The following SPDYE4 variants were observed in gnomAD, a reference collection of about 807,000 sequenced individuals.
SPDYE4 encodes the protein speedy/RINGO cell cycle regulator family member E4.
Under a neutral mutation model 37.5 loss-of-function variants are expected in SPDYE4, and 30 were observed. The observed-to-expected ratio is 0.80, with a 90% CI of 0.60 to 1.09. The LOEUF is 1.09. Ranked by LOEUF, SPDYE4 falls within the 50% of genes least tolerant of loss-of-function variation. SPDYE4 has a pLI of 0.00. For missense variants in SPDYE4, 300 were observed against 307.9 expected, an observed-to-expected ratio of 0.97 and a Z score of 0.19; for synonymous variants, 131 against 120.3, an observed-to-expected ratio of 1.09 and a Z score of -0.58.
intron 4 of SPDYE4, 116 bp downstream of exon 4, chr17:8,755,404 T>C: frequency 1.6e-6 from 2 of 1,253,654 alleles, no homozygotes; most frequent in Non-Finnish European, 2.2e-6. Flanking sequence ...ATCGTTTTTA[T>C]ATACAGAGTA....
In SPDYE4 at chr17:8,758,315, G is replaced by A. The variant is rs562837400; in HGVS notation, c.68C>T (p.Ser23Phe). The change falls in exon 1 of 7, where the codon TCC becomes TTC. Residue 23 changes from serine (S) to phenylalanine (F), a missense_variant. Transcript: ENST00000689094. ...ESPQPSTTVRSPEVVVDDEVP... is the reference protein window; with the variant it reads ...ESPQPSTTVRFPEVVVDDEVP... ...TTCATCATCCACCACCACCTCGGGG[G>A]ACCGTACCGTTGTGCTAGGCTGGGG... 1 of 1,550,398 alleles carries A rather than the reference G, an allele frequency of 6.4e-7. No individual in the cohort carries two copies. Among genetic ancestry groups the A allele is most frequent in the Non-Finnish European group, 8.7e-7 (1 of 1,146,504 alleles).
At chr17:8,753,272 G>A (rs1205665138) in intron 5 of SPDYE4, 49 bp downstream of exon 5, 3 of 1,591,916 alleles carry the variant, frequency 1.9e-6, no homozygotes, top group Non-Finnish European at 1.7e-6. Flanking sequence ...CCAGCCTCCA[G>A]TCCACCCCAT....
At position 8,751,570 on chromosome 17, in the gene SPDYE4, G is replaced by A. The variant is rs528448562; in HGVS notation, c.*712C>T. ...AGTATCATAGATTACAAGAGTGCTCGCTTCAGGAGCACATTTAATAATAGA... is the reference window on the plus strand; with the variant it reads ...AGTATCATAGATTACAAGAGTGCTCACTTCAGGAGCACATTTAATAATAGA... On this transcript the variant is annotated 3_prime_UTR_variant, in exon 7 of 7. Transcript: ENST00000689094. Among the ~76,000 whole-genome samples the A allele has an allele frequency of 2.6e-5, 4 of 152,090 alleles. No homozygotes were observed. The highest frequency in any genetic ancestry group is 4.2e-4 in the South Asian group (2 of 4,812).
chr17:8,752,469 T>C (rs1433109627), intron 6 of SPDYE4, among the ~76,000 whole-genome samples: 1 of 152,210 alleles, frequency 6.6e-6, no homozygotes, highest in African/African-American at 2.4e-5. Flanking sequence ...TTAGCCCCAG[T>C]GATCTGCTTC....
intron 3 of SPDYE4, among the ~76,000 whole-genome samples, chr17:8,756,028 G>A (rs767476904): frequency 2.5e-4 from 38 of 152,280 alleles, no homozygotes; most frequent in Non-Finnish European, 5.0e-4. Flanking sequence ...CAGGCTACCA[G>A]AGCCCCGAGG....
rs1309810231 is a variant in SPDYE4 at position 8,758,340 on chromosome 17, G to A, written c.43C>T (p.Pro15Ser). 3 of 1,551,340 alleles carry A rather than the reference G, an allele frequency of 1.9e-6. No individual in the cohort carries two copies. The highest frequency in any genetic ancestry group is 2.6e-6 in the Non-Finnish European group (3 of 1,146,908). ...QARPPFEEES[P>S]QPSTTVRSPE... The stretch of plus-strand genomic sequence containing the variant: ...GACCGTACCGTTGTGCTAGGCTGGG[G>A]GCTCTCCTCCTCAAACGGGGGGCGC... Residue 15 changes from proline to serine, a missense_variant, in exon 1 of 7, where the codon CCC becomes TCC. Physicochemically the swap from Pro to Ser is moderately conservative, Grantham distance 74. Coordinates refer to ENST00000689094, the MANE Select transcript of SPDYE4 (RefSeq NM_001394956.1).
downstream of SPDYE4, among the ~76,000 whole-genome samples, chr17:8,748,440 G>T (rs1167473342): frequency 6.6e-6 from 1 of 152,092 alleles, no homozygotes; most frequent in Admixed American, 6.6e-5. Context: ...AAATGTTTAA[G>T]ATTTCCAGTC....
downstream of SPDYE4, among the ~76,000 whole-genome samples, chr17:8,747,691 G>A (rs1280490757): frequency 6.6e-6 from 1 of 152,184 alleles, no homozygotes; most frequent in African/African-American, 2.4e-5. Flanking sequence ...TCATATGTGA[G>A]TCTCTGAAGA....
intron 6 of SPDYE4, among the ~76,000 whole-genome samples, 188 bp downstream of exon 6, chr17:8,752,906 T>C (rs2086738825): frequency 6.6e-6 from 1 of 152,046 alleles, no homozygotes; most frequent in Non-Finnish European, 1.5e-5. Flanking sequence ...TGGTGTTCCT[T>C]CCGCCTCAGG....
intron 2 of SPDYE4, among the ~76,000 whole-genome samples, chr17:8,756,767 C>T (rs2086776095): frequency 6.6e-6 from 1 of 152,244 alleles, no homozygotes; most frequent in South Asian, 2.1e-4. Context: ...GAGATAGTCA[C>T]AGCTGGGTGT....
chr17:8,752,763 A>G (rs1327786941), intron 6 of SPDYE4, among the ~76,000 whole-genome samples: 1 of 152,008 alleles, frequency 6.6e-6, no homozygotes, highest in Non-Finnish European at 1.5e-5. Flanking sequence ...CAGTAACTCA[A>G]GTGTATCAAC....
downstream of SPDYE4, among the ~76,000 whole-genome samples, chr17:8,750,225 C>G (rs202212002): frequency 6.6e-6 from 1 of 151,942 alleles, no homozygotes; most frequent in East Asian, 1.9e-4. Flanking sequence ...GGTGCCTCTA[C>G]TAAAAATACA....
rs191059097 is a variant in SPDYE4, at chr17:8,751,385, G to A, written c.*897C>T. On this transcript the variant is annotated 3_prime_UTR_variant, in exon 7 of 7. Transcript: ENST00000689094. The stretch of plus-strand genomic sequence containing the variant: ...TCAAAATAAACAAATAAAATGTATA[G>A]TATATATTGGACATGTTAGTATATA... 2.0e-5 allele frequency among the ~76,000 whole-genome samples: 3 copies of A among 152,114 alleles called. No individual in the cohort carries two copies. Among genetic ancestry groups the A allele is most frequent in the African/African-American group, 7.2e-5 (3 of 41,416 alleles).
chr17:8,754,720 C>T (rs753422240), intron 4 of SPDYE4, among the ~76,000 whole-genome samples: 8 of 152,112 alleles, frequency 5.3e-5, no homozygotes, highest in East Asian at 1.9e-4. Context: ...GTGCTGTGGG[C>T]GTGCAGAAGC....
chr17:8,750,152 G>A (rs2086717857), downstream of SPDYE4, among the ~76,000 whole-genome samples: 1 of 152,190 alleles, frequency 6.6e-6, no homozygotes, highest in Non-Finnish European at 1.5e-5. Context: ...ACTTTGGGTG[G>A]CCGAGGGGGA....
At position 8,757,301 on chromosome 17, in the gene SPDYE4, C is replaced by A; in HGVS notation, c.301G>T (p.Val101Leu). 3.1e-6 allele frequency: 5 copies of A among 1,605,266 alleles called. No individual in the cohort carries two copies. The highest frequency in any genetic ancestry group is 4.3e-6 in the Non-Finnish European group (5 of 1,175,744). Residue 101 changes from valine (V) to leucine (L), a missense_variant, in exon 2 of 7, where the codon GTG becomes TTG. Transcript: ENST00000689094. Reference sequence around the variant, plus strand: ...AAGGCCTCGTGGTGCTCAGGGAGCACGGAGGATGCTCGCTTTCGCTTCAGC... The same window carrying A: ...AAGGCCTCGTGGTGCTCAGGGAGCAAGGAGGATGCTCGCTTTCGCTTCAGC... ...MKLKRKRASSVLPEHHEAFNR... is the reference protein window; with the variant it reads ...MKLKRKRASSLLPEHHEAFNR...
At chr17:8,752,993 G>A (rs2086739578) in intron 6 of SPDYE4, 101 bp downstream of exon 6, 8 of 1,048,100 alleles carry the variant, frequency 7.6e-6, no homozygotes, top group Non-Finnish European at 9.8e-6. Flanking sequence ...ACGGGGTGTC[G>A]CCATGTTGAC....
rs748791171 is a variant in SPDYE4 at position 8,757,312 on chromosome 17, C to T, written c.290G>A (p.Arg97Gln). ...CGLKMKLKRK[R>Q]ASSVLPEHHE... ...GTGCTCAGGGAGCACGGAGGATGCT[C>T]GCTTTCGCTTCAGCTTCATCTTGAG... The change falls in exon 2 of 7, where the codon CGA becomes CAA. Residue 97 changes from arginine (R) to glutamine (Q), a missense_variant. Physicochemically the swap from Arg to Gln is conservative, Grantham distance 43. Coordinates refer to ENST00000689094, the MANE Select transcript of SPDYE4 (RefSeq NM_001394956.1). 42 of 1,604,078 alleles carry T rather than the reference C, an allele frequency of 2.6e-5. No individual in the cohort carries two copies. Among genetic ancestry groups the T allele is most frequent in the South Asian group, 4.5e-5 (4 of 89,404 alleles).
At chr17:8,755,694 C>A (rs946876592) in intron 3 of SPDYE4, 89 bp from the exon 4 acceptor site, 27 of 1,479,650 alleles carry the variant, frequency 1.8e-5, no homozygotes, top group Non-Finnish European at 2.5e-5. Context: ...GGGGCTGGGG[C>A]GCGGTTGTCT....
Sources: gnomAD v4.1 joint callset for allele counts (sites outside exome capture counted in the v4.1 genomes callset) on GRCh38, gnomAD v4.1.1 for gene constraint, MANE v1.5 for transcripts, NCBI Gene and HGNC (gene_info 2026-07-23, HGNC 2026-07-21) for gene names.